The following ABR variants were observed in gnomAD, a reference collection of about 807,000 sequenced individuals.
ABR encodes ABR activator of RhoGEF and GTPase.
A neutral mutation model predicts 107.2 loss-of-function variants in ABR; 35 were observed. The observed-to-expected ratio is 0.33, with a 90% CI of 0.25 to 0.43. The LOEUF is 0.43. Ranked by LOEUF, ABR falls within the 20% of genes least tolerant of loss-of-function variation. ABR has a pLI of 1.00. For synonymous variants in ABR, 498 were observed against 462.0 expected, an observed-to-expected ratio of 1.08 and a Z score of -1.00; for missense variants, 815 against 1,115.2, an observed-to-expected ratio of 0.73 and a Z score of 3.83.
At position 1,084,807 on chromosome 17, in the gene ABR, CTGTTTT is replaced by C. The variant is rs1303202699; in HGVS notation, c.532-1186_532-1181del. On this transcript the variant is annotated intron_variant, in intron 4 of 22. Transcript: ENST00000302538. The surrounding 1 kb of genome is among the most constrained non-coding windows in gnomAD (Gnocchi z 4.2). ...AAGCATATGGGGAAATTTAAACTCC[CTGTTTT>C]TGTTTTTGTTTTGAGATGGAGTTTC... is the stretch of plus-strand genomic sequence containing the variant. Among the ~76,000 whole-genome samples the C allele has an allele frequency of 2.0e-5, 3 of 152,102 alleles. No homozygotes were observed. Among genetic ancestry groups the C allele is most frequent in the Non-Finnish European group, 4.4e-5 (3 of 68,014 alleles).
chr17:1,018,247 T>A (rs949209707), intron 16 of ABR, among the ~76,000 whole-genome samples: 1 of 151,636 alleles, frequency 6.6e-6, no homozygotes, highest in Non-Finnish European at 1.5e-5. Context: ...TTTCACCGTG[T>A]TAGCCAGGAT....
chr17:1,203,243 T>C (rs2042705121), intron 1 of ABR, among the ~76,000 whole-genome samples: 1 of 151,716 alleles, frequency 6.6e-6, no homozygotes, highest in East Asian at 1.9e-4. Flanking sequence ...CTGGGGAGAC[T>C]CCTTGGAAGG....
At chr17:1,104,965 C>T (rs1423442367) in intron 2 of ABR, among the ~76,000 whole-genome samples, 1 of 151,822 alleles carries the variant, frequency 6.6e-6, no homozygotes, top group African/African-American at 2.4e-5. Context: ...ATACCACCAC[C>T]TGCACTATTC....
intron 16 of ABR, among the ~76,000 whole-genome samples, chr17:1,048,862 G>A (rs894221608): frequency 1.3e-5 from 2 of 151,836 alleles, no homozygotes; most frequent in Non-Finnish European, 2.9e-5. Context: ...AGCTCAGCAC[G>A]CCCAACGCCC....
In ABR at chr17:1,027,313, T is replaced by G. The variant is rs2072274684; in HGVS notation, c.1792-14149A>C. On this transcript the variant is annotated intron_variant, in intron 16 of 22. Coordinates refer to ENST00000302538, the MANE Select transcript of ABR (RefSeq NM_021962.5). The surrounding 1 kb of genome is among the most constrained non-coding windows in gnomAD (Gnocchi z 4.7). ...CCAGCGCCCTTCTACCCTCCCTAGG[T>G]ACCAAGAAGCGGCACCTTGCCAAGT... 1.3e-5 allele frequency among the ~76,000 whole-genome samples: 2 copies of G among 152,206 alleles called. No homozygotes were observed. The highest frequency in any genetic ancestry group is 2.1e-4 in the South Asian group (1 of 4,830).
At chr17:1,006,720 C>T (rs2070064236) in intron 22 of ABR, among the ~76,000 whole-genome samples, 1 of 152,150 alleles carries the variant, frequency 6.6e-6, no homozygotes, top group Non-Finnish European at 1.5e-5. Context: ...CTCTCTCCTC[C>T]TAAGGGGCTG....
chr17:1,021,576 C>T (rs540700472), intron 16 of ABR, among the ~76,000 whole-genome samples: 29 of 152,188 alleles, frequency 1.9e-4, no homozygotes, highest in South Asian at 4.1e-4. Flanking sequence ...GAGGCCGAGG[C>T]GGGCGGATCA....
At chr17:1,222,595 C>A (rs1416400650) in intron 1 of ABR, among the ~76,000 whole-genome samples, 1 of 152,120 alleles carries the variant, frequency 6.6e-6, no homozygotes, top group African/African-American at 2.4e-5. Flanking sequence ...GTAGGAAATT[C>A]ATTTCCCATA....
At chr17:1,067,396 AAC>A (rs751249448) in intron 9 of ABR, among the ~76,000 whole-genome samples, 154 bp from the exon 10 acceptor site, 3 of 152,182 alleles carry the variant, frequency 2.0e-5, no homozygotes, top group Non-Finnish European at 4.4e-5. Context: ...CTGATTGGGA[AAC>A]ACACACTGGA....
chr17:1,137,586 G>A (rs1189391802), intron 1 of ABR, among the ~76,000 whole-genome samples: 1 of 152,142 alleles, frequency 6.6e-6, no homozygotes, highest in African/African-American at 2.4e-5. Context: ...TAACATGGAG[G>A]ATCGCTGATC....
At chr17:1,198,207 C>T (rs1053107977) in intron 1 of ABR, among the ~76,000 whole-genome samples, 14 of 151,686 alleles carry the variant, frequency 9.2e-5, no homozygotes, top group Middle Eastern at 3.4e-3. Context: ...ACACATGAGG[C>T]TGTACATGCA....
chr17:1,220,255 C>T (rs112909378), intron 1 of ABR, among the ~76,000 whole-genome samples: 1 of 151,646 alleles, frequency 6.6e-6, no homozygotes, highest in Non-Finnish European at 1.5e-5. Context: ...CACACCACTG[C>T]ACTCCAGCCT....
At chr17:1,192,814 T>G (rs2042464914) in intron 1 of ABR, among the ~76,000 whole-genome samples, 1 of 151,964 alleles carries the variant, frequency 6.6e-6, no homozygotes. Flanking sequence ...TTTGGGAGGC[T>G]GAGGCAGGTG....
Position 1,004,036 on chromosome 17 carries a change from A to G in ABR, c.*2044T>C, listed in dbSNP as rs548762681. The G allele has an allele frequency of 6.6e-5, 10 of 152,364 alleles. No homozygotes were observed. Among genetic ancestry groups the G allele is most frequent in the Admixed American group, 4.6e-4 (7 of 15,298 alleles). The allele number at this position is 152,364 out of a possible 1,614,324, so 9.4% of individuals were successfully genotyped here. A position where few individuals can be genotyped will look rare whatever the true frequency, so the allele number is the denominator to read the frequency against. On this transcript the variant is annotated 3_prime_UTR_variant, in exon 23 of 23. Transcript: ENST00000302538. ...CCATAGCCTGTTCTCACGTTGCCTC[A>G]GCGAGCTTGGGGCTGTGGGGCTCCC...
intron 16 of ABR, among the ~76,000 whole-genome samples, chr17:1,048,734 G>C (rs550844316): frequency 6.7e-5 from 9 of 134,662 alleles, no homozygotes; most frequent in African/African-American, 1.8e-4. Context: ...CCTGGATCAC[G>C]TCCGGGGCCA....
intron 16 of ABR, among the ~76,000 whole-genome samples, chr17:1,021,784 T>TC (rs2071683855): frequency 7.0e-6 from 1 of 142,568 alleles, no homozygotes; most frequent in Non-Finnish European, 1.5e-5. Flanking sequence ...CACTCCAGCC[T>TC]GGCGGCAGAA....
chr17:1,035,251 A>G (rs529898667), intron 16 of ABR, among the ~76,000 whole-genome samples: 2 of 150,994 alleles, frequency 1.3e-5, no homozygotes, highest in Non-Finnish European at 3.0e-5. Flanking sequence ...ACCCCTCCTC[A>G]TCTCTGCTGG....
intron 16 of ABR, among the ~76,000 whole-genome samples, chr17:1,025,143 A>C (rs1473000338): frequency 6.7e-6 from 1 of 148,460 alleles, no homozygotes; most frequent in Non-Finnish European, 1.5e-5. Context: ...AAAAAATACA[A>C]AACTTGGCCG....
At position 1,096,756 on chromosome 17, in the gene ABR, G is replaced by T. The variant is rs374579258; in HGVS notation, c.345+3881C>A. Among the ~76,000 whole-genome samples the T allele has an allele frequency of 3.5e-3, 517 of 149,484 alleles. 2 individuals carry two copies. The highest frequency in any genetic ancestry group is 0.012 in the African/African-American group (477 of 40,520). On this transcript the variant is annotated intron_variant, in intron 3 of 22. Coordinates refer to ENST00000302538, the MANE Select transcript of ABR (RefSeq NM_021962.5). ...CCCCGGGAGGAGAGAGCTGGGGAAG[G>T]GGGGAACCTGCCCCGGGTGGAGAGA...
Sources: gnomAD v4.1 joint callset for allele counts (sites outside exome capture counted in the v4.1 genomes callset) on GRCh38, gnomAD v4.1.1 for gene constraint, Gnocchi (gnomAD v3.1) non-coding constraint, MANE v1.5 for transcripts, NCBI Gene and HGNC (gene_info 2026-07-23, HGNC 2026-07-21) for gene names.